Variants in ELP2 observed in about 807,000 individuals in gnomAD.
ELP2 encodes the protein elongator complex protein 2.
ELP2 carries 90 observed loss-of-function variants against 119.2 expected under a neutral mutation model. The observed-to-expected ratio is 0.75, with a 90% confidence interval of 0.64 to 0.90. ELP2 has a LOEUF of 0.90. Among genes scored for constraint, ELP2 ranks in the 40% least tolerant of loss-of-function variants. The probability of loss-of-function intolerance (pLI) is 0.00; values close to 1 mark genes in which losing one functional copy is unlikely to be tolerated. For missense variants in ELP2, 921 were observed against 967.8 expected (o/e 0.95, Z 0.64); for synonymous variants, 339 against 331.0 (o/e 1.02, Z -0.26).
intron 5 of ELP2, among the ~76,000 whole-genome samples, chr18:36,140,317 C>T (rs1024843398): frequency 3.0e-4 from 45 of 151,702 alleles, no homozygotes; most frequent in African/African-American, 1.1e-3. Context: ...GCTTTTTAGC[C>T]ACATGCTTAA....
intron 17 of ELP2, among the ~76,000 whole-genome samples, chr18:36,162,199 C>T (rs746121924): frequency 6.6e-6 from 1 of 152,092 alleles, no homozygotes; most frequent in African/African-American, 2.4e-5. Context: ...TTTGGCAATT[C>T]CTCTTTTCTA....
intron 13 of ELP2, chr18:36,158,586 T>G: frequency 2.4e-6 from 1 of 408,490 alleles, no homozygotes; most frequent in Non-Finnish European, 4.5e-6. Context: ...ATGCCCGACT[T>G]TATGGATTGC....
rs1293296754 is a variant in ELP2 at position 36,177,768 on chromosome 18, G to A, written c.*3127G>A. On this transcript the variant is annotated 3_prime_UTR_variant, in exon 22 of 22. Coordinates refer to ENST00000358232, the MANE Select transcript of ELP2 (RefSeq NM_018255.4). ...ATTTGGGAAACACAGGGATAACTAAGGTTAGATAGGTGTTCTTTATTGCAG... is the reference window on the plus strand; with the variant it reads ...ATTTGGGAAACACAGGGATAACTAAAGTTAGATAGGTGTTCTTTATTGCAG... 1 of 152,074 alleles carries A rather than the reference G, an allele frequency of 6.6e-6. No homozygotes were observed. Among genetic ancestry groups the A allele is most frequent in the Non-Finnish European group, 1.5e-5 (1 of 68,018 alleles). 9.4% of individuals were successfully genotyped at this position (152,074 alleles called of 1,614,324 possible).
chr18:36,159,267 C>A (rs2090660452), intron 14 of ELP2, among the ~76,000 whole-genome samples: 1 of 152,126 alleles, frequency 6.6e-6, no homozygotes, highest in Non-Finnish European at 1.5e-5. Context: ...CATGTGCTAC[C>A]ATGCCCAGCT....
chr18:36,157,385 G>C (rs550611339), intron 13 of ELP2, among the ~76,000 whole-genome samples: 4 of 152,232 alleles, frequency 2.6e-5, no homozygotes, highest in Admixed American at 2.0e-4. Context: ...CAAAAAGAAG[G>C]GGAGAGAGAG....
At chr18:36,139,449 G>A (rs2089945852) in intron 5 of ELP2, 63 of 1,535,670 alleles carry the variant, frequency 4.1e-5, no homozygotes, top group Non-Finnish European at 5.0e-5. Context: ...GTGGAACGAG[G>A]CAGGGCCTGG....
At chr18:36,164,406 GTT>G in intron 17 of ELP2, 67 bp from the exon 18 acceptor site, 2 of 1,441,792 alleles carry the variant, frequency 1.4e-6, no homozygotes. Flanking sequence ...ACAATGTGTT[GTT>G]TTTAAAATGT....
chr18:36,171,804 C>A lies in ELP2; in HGVS notation c.2324+644C>A, dbSNP rs540517834. On this transcript the variant is annotated intron_variant, in intron 21 of 21. Coordinates refer to ENST00000358232, the MANE Select transcript of ELP2 (RefSeq NM_018255.4). Reference sequence around the variant, plus strand: ...AGATCCCAGCTCACTGCAACCTCCGCCTCCCAGGCTCAATCAGTCTTCCTA... The same window carrying A: ...AGATCCCAGCTCACTGCAACCTCCGACTCCCAGGCTCAATCAGTCTTCCTA... 2.2e-3 allele frequency among the ~76,000 whole-genome samples: 334 copies of A among 152,348 alleles called. 4 individuals carry two copies. The highest frequency in any genetic ancestry group is 7.6e-3 in the African/African-American group (318 of 41,570).
intron 17 of ELP2, among the ~76,000 whole-genome samples, chr18:36,162,301 A>G (rs1005975876): frequency 3.9e-5 from 6 of 152,204 alleles, no homozygotes; most frequent in African/African-American, 2.4e-5. Context: ...AAAATTGTAT[A>G]TAAATAGGAT....
chr18:36,136,675 A>G, intron 3 of ELP2: 1 of 326,976 alleles, frequency 3.1e-6, no homozygotes, highest in Non-Finnish European at 5.7e-6. Context: ...TTCTTTTATG[A>G]AGTTAATCTT....
intron 11 of ELP2, among the ~76,000 whole-genome samples, chr18:36,149,737 A>T (rs2090337579): frequency 6.6e-6 from 1 of 152,118 alleles, no homozygotes; most frequent in East Asian, 1.9e-4. Flanking sequence ...AAAAACAAAA[A>T]ATCTAGCAGG....
intron 9 of ELP2, 107 bp from the exon 10 acceptor site, chr18:36,145,841 G>A (rs1028076434): frequency 1.1e-6 from 1 of 914,124 alleles, no homozygotes; most frequent in East Asian, 2.4e-5. Context: ...TACAAATAAT[G>A]TGCAGTGAAC....
At chr18:36,131,865 G>A (rs2089644291) in intron 1 of ELP2, among the ~76,000 whole-genome samples, 2 of 150,120 alleles carry the variant, frequency 1.3e-5, no homozygotes, top group Non-Finnish European at 1.5e-5. Flanking sequence ...GTGAATTTTA[G>A]CATATTGACA....
intron 7 of ELP2, 121 bp downstream of exon 7, chr18:36,142,468 C>G (rs757559260): frequency 1.1e-5 from 9 of 817,124 alleles, no homozygotes; most frequent in Non-Finnish European, 1.9e-5. Context: ...TTCTATTGTC[C>G]CAATTAGAAA....
intron 5 of ELP2, 76 bp from the exon 6 acceptor site, chr18:36,141,061 C>T (rs915823337): frequency 2.3e-5 from 27 of 1,187,476 alleles, no homozygotes; most frequent in Non-Finnish European, 3.3e-5. Flanking sequence ...TTAGAGCTTA[C>T]AATCCAGTAC....
intron 3 of ELP2, 162 bp from the exon 4 acceptor site, chr18:36,138,108 T>G: frequency 1.6e-6 from 1 of 643,152 alleles, no homozygotes. Flanking sequence ...GCATGCACAT[T>G]TTGTGTGTTG....
At chr18:36,158,303 A>G (rs2090630344) in intron 13 of ELP2, among the ~76,000 whole-genome samples, 1 of 152,222 alleles carries the variant, frequency 6.6e-6, no homozygotes, top group Admixed American at 6.5e-5. Context: ...TGCAAAATCT[A>G]AGCAGATATT....
intron 18 of ELP2, 118 bp downstream of exon 18, chr18:36,164,785 T>A: frequency 2.0e-6 from 2 of 1,006,854 alleles, no homozygotes; most frequent in Non-Finnish European, 3.0e-6. Context: ...CTCATGTCTT[T>A]GAAGCCTTTC....
At chr18:36,165,106 C>G (rs1484009491) in intron 18 of ELP2, 6 of 179,076 alleles carry the variant, frequency 3.4e-5, no homozygotes, top group Admixed American at 3.3e-4. Flanking sequence ...TAATATAGTA[C>G]TATTTTAAAT....
Sources: gnomAD v4.1 joint callset for allele counts (sites outside exome capture counted in the v4.1 genomes callset) on GRCh38, gnomAD v4.1.1 for gene constraint, MANE v1.5 for transcripts, NCBI Gene and HGNC (gene_info 2026-07-23, HGNC 2026-07-21) for gene names.